GSG1L: variants seen among roughly 807,000 people sequenced by gnomAD.
The protein encoded by GSG1L is germ cell-specific gene 1-like protein.
A neutral mutation model predicts 42.1 loss-of-function variants in GSG1L; 24 were observed. That is an observed-to-expected ratio of 0.57 (90% CI 0.41 to 0.80). The LOEUF is 0.80. Ranked by LOEUF, GSG1L falls within the 30% of genes least tolerant of loss-of-function variation. The probability of loss-of-function intolerance (pLI) is 0.00; values close to 1 mark genes in which losing one functional copy is unlikely to be tolerated. For synonymous variants in GSG1L, 215 were observed against 203.5 expected (o/e 1.06, Z -0.48); for missense variants, 445 against 472.2 (o/e 0.94, Z 0.53).
chr16:27,941,575 G>C (rs1385619678), intron 2 of GSG1L, among the ~76,000 whole-genome samples: 1 of 124,694 alleles, frequency 8.0e-6, no homozygotes, highest in African/African-American at 3.1e-5. Context: ...AGGAGGCTGA[G>C]GCAGGAGAAT....
chr16:27,867,889 A>G (rs571049492), intron 3 of GSG1L, among the ~76,000 whole-genome samples: 1 of 152,318 alleles, frequency 6.6e-6, no homozygotes, highest in South Asian at 2.1e-4. Flanking sequence ...TGGGCCTAGC[A>G]GTCCTGTCCC....
At chr16:27,796,865 G>T (rs2082823359) in intron 6 of GSG1L, among the ~76,000 whole-genome samples, 1 of 152,174 alleles carries the variant, frequency 6.6e-6, no homozygotes, top group African/African-American at 2.4e-5. Context: ...CATGTGTTGG[G>T]CATGTATTGT....
chr16:27,915,388 C>T (rs142142068), intron 2 of GSG1L, among the ~76,000 whole-genome samples: 4 of 152,276 alleles, frequency 2.6e-5, no homozygotes, highest in East Asian at 1.9e-4. Context: ...AATCCATGAA[C>T]AGCAGAAGGC....
chr16:27,876,025 C>CT (rs889843485), intron 3 of GSG1L, among the ~76,000 whole-genome samples: 2 of 152,172 alleles, frequency 1.3e-5, no homozygotes, highest in Non-Finnish European at 2.9e-5. Flanking sequence ...GCATGATCCC[C>CT]TTTTTTCCCT....
intron 3 of GSG1L, among the ~76,000 whole-genome samples, chr16:27,850,211 A>G (rs958517240): frequency 2.6e-5 from 4 of 151,418 alleles, no homozygotes; most frequent in African/African-American, 4.9e-5. Context: ...TATTTTTAGT[A>G]GAGACAGGGG....
intron 3 of GSG1L, among the ~76,000 whole-genome samples, chr16:27,858,161 T>C (rs2083603460): frequency 6.6e-6 from 1 of 152,230 alleles, no homozygotes; most frequent in Non-Finnish European, 1.5e-5. Flanking sequence ...ATCCAATTAG[T>C]TTCACTGGCC....
chr16:27,931,494 A>G (rs985243959), intron 2 of GSG1L, among the ~76,000 whole-genome samples: 2 of 152,220 alleles, frequency 1.3e-5, no homozygotes, highest in South Asian at 2.1e-4. Context: ...ACTCCTCATC[A>G]GGGAAATGCA....
chr16:27,911,206 G>C (rs146480812), intron 2 of GSG1L, among the ~76,000 whole-genome samples: 12 of 151,212 alleles, frequency 7.9e-5, no homozygotes, highest in African/African-American at 2.9e-4. Context: ...CAAGCCCACT[G>C]TTTGTGTAGC....
chr16:27,895,933 T>A (rs549462779), intron 2 of GSG1L, among the ~76,000 whole-genome samples: 1 of 152,244 alleles, frequency 6.6e-6, no homozygotes, highest in South Asian at 2.1e-4. Context: ...GAGATGACTG[T>A]TTTCTGCATA....
At chr16:28,029,292 A>G (rs2085930901) in intron 1 of GSG1L, among the ~76,000 whole-genome samples, 1 of 152,240 alleles carries the variant, frequency 6.6e-6, no homozygotes, top group East Asian at 1.9e-4. Context: ...TGCGTTATTT[A>G]TAAGTGGAAT....
chr16:27,881,055 C>T (rs1215082543), intron 3 of GSG1L, among the ~76,000 whole-genome samples: 2 of 152,062 alleles, frequency 1.3e-5, no homozygotes, highest in African/African-American at 4.8e-5. Flanking sequence ...GTCCCTCTGA[C>T]CATCTGACCC....
At chr16:27,967,397 C>A (rs9941164) in intron 1 of GSG1L, among the ~76,000 whole-genome samples, 100,500 of 152,056 alleles carry the variant, frequency 0.66, 33,526 homozygotes, top group South Asian at 0.86. Context: ...AAGAATCACA[C>A]GGCCACAGAT....
chr16:27,989,404 C>T (rs1341930884), intron 1 of GSG1L, among the ~76,000 whole-genome samples: 1 of 152,036 alleles, frequency 6.6e-6, no homozygotes, highest in Non-Finnish European at 1.5e-5. Flanking sequence ...CAAATAGGCC[C>T]CTGAAAGGCC....
chr16:28,033,433 A>AT (rs564824967), intron 1 of GSG1L, among the ~76,000 whole-genome samples: 3 of 152,220 alleles, frequency 2.0e-5, no homozygotes, highest in East Asian at 1.9e-4. Flanking sequence ...TGGGAATGAG[A>AT]TTTTTTGTAC....
chr16:27,822,371 C>A (rs1299605267), intron 5 of GSG1L, among the ~76,000 whole-genome samples: 1 of 152,200 alleles, frequency 6.6e-6, no homozygotes, highest in East Asian at 1.9e-4. Context: ...ACAGGAGGCA[C>A]TGCATAACTT....
chr16:27,949,970 T>C (rs1263768037), intron 2 of GSG1L, among the ~76,000 whole-genome samples: 1 of 151,928 alleles, frequency 6.6e-6, no homozygotes, highest in Non-Finnish European at 1.5e-5. Flanking sequence ...CATGACAAAA[T>C]AGTGTCCCAG....
At chr16:27,874,904 A>T (rs1162627178) in intron 3 of GSG1L, among the ~76,000 whole-genome samples, 3 of 152,316 alleles carry the variant, frequency 2.0e-5, no homozygotes, top group South Asian at 2.1e-4. Context: ...TGCAGCTGGC[A>T]TCTGAAGTGG....
chr16:28,022,169 G>GTA (rs1168520785), intron 1 of GSG1L, among the ~76,000 whole-genome samples: 1 of 152,204 alleles, frequency 6.6e-6, no homozygotes, highest in Non-Finnish European at 1.5e-5. Context: ...ACGACTCAGG[G>GTA]TAAAGATGGG....
chr16:27,876,997 G>A (rs987434645), intron 3 of GSG1L, among the ~76,000 whole-genome samples: 1 of 152,204 alleles, frequency 6.6e-6, no homozygotes, highest in Non-Finnish European at 1.5e-5. Flanking sequence ...TAGCTGGACT[G>A]TGCAGGAATT....
Sources: allele counts gnomAD v4.1 joint callset (sites outside exome capture counted in the v4.1 genomes callset), GRCh38; gene constraint gnomAD v4.1.1; transcripts MANE v1.5; gene names NCBI Gene and HGNC (gene_info 2026-07-23, HGNC 2026-07-21).